WDR35: variants seen among roughly 807,000 people sequenced by gnomAD.
WDR35 encodes WD repeat domain 35.
A neutral mutation model predicts 158.3 loss-of-function variants in WDR35; 118 were observed. That is an observed-to-expected ratio of 0.75 (90% CI 0.64 to 0.87). The LOEUF is 0.87. Among genes scored for constraint, WDR35 ranks in the 40% least tolerant of loss-of-function variants. The pLI is 0.00. For synonymous variants in WDR35, 448 were observed against 476.1 expected, an observed-to-expected ratio of 0.94 and a Z score of 0.77; for missense variants, 1,263 against 1,405.8, an observed-to-expected ratio of 0.90 and a Z score of 1.62.
chr2:19,971,225 T>C (rs576823925), intron 8 of WDR35, among the ~76,000 whole-genome samples: 13 of 152,352 alleles, frequency 8.5e-5, no homozygotes, highest in South Asian at 4.1e-4. Context: ...TCTAAGCAGA[T>C]ACCCTCTAGG....
At chr2:19,955,662 A>T (rs1384311127) in intron 11 of WDR35, among the ~76,000 whole-genome samples, 2 of 152,226 alleles carry the variant, frequency 1.3e-5, no homozygotes, top group Non-Finnish European at 2.9e-5. Context: ...TAATTTCTCT[A>T]TTATAAATAC....
At chr2:19,945,088 G>T (rs1671004952) in intron 16 of WDR35, among the ~76,000 whole-genome samples, 4 of 152,018 alleles carry the variant, frequency 2.6e-5, no homozygotes, top group Admixed American at 2.6e-4. Context: ...TTACCACTCG[G>T]ATTATTTTGT....
At position 19,974,462 on chromosome 2, in the gene WDR35, C is replaced by T; in HGVS notation, c.736+6G>A. 2.5e-6 allele frequency: 4 copies of T among 1,588,576 alleles called. No individual in the cohort carries two copies. The highest frequency in any genetic ancestry group is 3.4e-6 in the Non-Finnish European group (4 of 1,170,504). On this transcript the variant is annotated splice_donor_region_variant and intron_variant, in intron 7 of 26. Coordinates refer to ENST00000281405, the MANE Select transcript of WDR35 (RefSeq NM_020779.4). Reference sequence around the variant, plus strand: ...AAAAAATTTTTTAAACAGAAAAATTCCTTACTTTGGTCATTCTCATGTCTC... The same window carrying T: ...AAAAAATTTTTTAAACAGAAAAATTTCTTACTTTGGTCATTCTCATGTCTC...
At position 19,910,751 on chromosome 2, in the gene WDR35, T is replaced by C. The variant is rs1669806500; in HGVS notation, c.*2807A>G. ...TTGTTAGTGTTGTTATCTGGAAATTTCCTTCATGTCGAATAAAACCAACTA... is the reference window on the plus strand; with the variant it reads ...TTGTTAGTGTTGTTATCTGGAAATTCCCTTCATGTCGAATAAAACCAACTA... On this transcript the variant is annotated 3_prime_UTR_variant, in exon 27 of 27. Coordinates refer to ENST00000281405, the MANE Select transcript of WDR35 (RefSeq NM_020779.4). 1 of 152,194 alleles carries C rather than the reference T, an allele frequency of 6.6e-6. No homozygotes were observed. The highest frequency in any genetic ancestry group is 1.5e-5 in the Non-Finnish European group (1 of 68,042). 9.4% of individuals were successfully genotyped at this position (152,194 alleles called of 1,614,324 possible).
chr2:19,965,387 A>G (rs749693041), intron 10 of WDR35, among the ~76,000 whole-genome samples: 11 of 152,342 alleles, frequency 7.2e-5, no homozygotes, highest in East Asian at 1.9e-4. Flanking sequence ...AGAGTTGTCT[A>G]TAAGTGAGCC....
At chr2:19,933,600 G>C in intron 21 of WDR35, 89 bp from the exon 22 acceptor site, 2 of 1,147,204 alleles carry the variant, frequency 1.7e-6, no homozygotes, top group Non-Finnish European at 2.6e-6. Context: ...GGACGTATGA[G>C]TATTAAATTT....
At chr2:19,979,531 T>A (rs1042943784) in intron 4 of WDR35, among the ~76,000 whole-genome samples, 1 of 152,248 alleles carries the variant, frequency 6.6e-6, no homozygotes, top group African/African-American at 2.4e-5. Flanking sequence ...AACTTGTCTT[T>A]TAGCATAACC....
intron 2 of WDR35, among the ~76,000 whole-genome samples, chr2:19,983,116 G>A (rs1439139130): frequency 6.6e-6 from 1 of 152,194 alleles, no homozygotes; most frequent in Non-Finnish European, 1.5e-5. Context: ...GAATGTGAAA[G>A]CATAATAAGA....
At position 19,989,309 on chromosome 2, in the gene WDR35, G is replaced by A. The variant is rs140638337; in HGVS notation, c.25-27C>T. The A allele has an allele frequency of 4.0e-4, 630 of 1,594,566 alleles. 3 individuals carry two copies. In the African/African-American group the frequency reaches 7.2e-3, roughly 18 times the overall value. Reference sequence around the variant, plus strand: ...TGAAAAAGCAACCACAGCCGCACTAGCAACTTTTCACGAAGGAGCTGGGAA... The same window carrying A: ...TGAAAAAGCAACCACAGCCGCACTAACAACTTTTCACGAAGGAGCTGGGAA... On this transcript the variant is annotated intron_variant, in intron 1 of 26. Transcript: ENST00000281405.
chr2:19,947,570 TTCAGCTGAAATTTGCCATAGGCTTCTC>T (rs1220420334), intron 14 of WDR35, among the ~76,000 whole-genome samples: 1 of 152,136 alleles, frequency 6.6e-6, no homozygotes, highest in Non-Finnish European at 1.5e-5. Context: ...ATTTGAAAAA[TTCAGCTGAAATTTGCCATAGGCTTCTC>T]TATTTTACTG....
intron 25 of WDR35, among the ~76,000 whole-genome samples, chr2:19,919,391 AAAAAAAAG>A (rs1189313934): frequency 3.2e-4 from 47 of 148,666 alleles, no homozygotes; most frequent in Non-Finnish European, 4.3e-4. Context: ...AAAAAAAAAA[AAAAAAAAG>A]AAAAGAAAAA....
chr2:19,958,478 A>G (rs904168115), intron 11 of WDR35, among the ~76,000 whole-genome samples: 3 of 152,234 alleles, frequency 2.0e-5, no homozygotes, highest in Non-Finnish European at 4.4e-5. Flanking sequence ...TTATTTGTTC[A>G]GAAATCCCAC....
chr2:19,960,447 C>A (rs549676443), intron 11 of WDR35, 107 bp downstream of exon 11: 4 of 893,176 alleles, frequency 4.5e-6, no homozygotes, highest in Middle Eastern at 2.6e-4. Context: ...TGGTCATCCT[C>A]GTTTTAGAAA....
At position 19,978,921 on chromosome 2, in the gene WDR35, C is replaced by T. The variant is rs369525406; in HGVS notation, c.308-42G>A. 6.8e-6 allele frequency: 11 copies of T among 1,610,248 alleles called. No homozygotes were observed. The African/African-American group carries it at 8.0e-5, about 12-fold the overall frequency. On this transcript the variant is annotated intron_variant, in intron 4 of 26. Coordinates refer to ENST00000281405, the MANE Select transcript of WDR35 (RefSeq NM_020779.4). ...AAAAAATTACAAGTCAAAACTTTCA[C>T]ATCTATTAAATAGTAGTTAAGAATT...
At chr2:19,930,332 G>A (rs533458936) in intron 25 of WDR35, 64 bp downstream of exon 25, 88 of 1,608,842 alleles carry the variant, frequency 5.5e-5, no homozygotes, top group Non-Finnish European at 7.5e-5. Context: ...AATTGAAGAA[G>A]CTAGCCCTTC....
Position 19,972,479 on chromosome 2 carries a change from A to G in WDR35, c.882+1084T>C, listed in dbSNP as rs184655885. ...CCAACAAAAATAACCAATAAAGAAC[A>G]AGAATTAAGAAGGAGGCTATAAATA... On this transcript the variant is annotated intron_variant, in intron 8 of 26. Coordinates refer to ENST00000281405, the MANE Select transcript of WDR35 (RefSeq NM_020779.4). 2.7e-3 allele frequency among the ~76,000 whole-genome samples: 409 copies of G among 152,312 alleles called. 1 individual carries two copies. Among genetic ancestry groups the G allele is most frequent in the African/African-American group, 9.3e-3 (388 of 41,584 alleles).
At chr2:19,983,332 A>G (rs1260653259) in intron 2 of WDR35, among the ~76,000 whole-genome samples, 25 of 152,206 alleles carry the variant, frequency 1.6e-4, no homozygotes, top group Admixed American at 1.6e-3. Context: ...AAGAAGGCCT[A>G]TGTGGATGAA....
chr2:19,967,008 A>C (rs1267635050), intron 9 of WDR35, 99 bp from the exon 10 acceptor site: 2 of 1,187,908 alleles, frequency 1.7e-6, no homozygotes, highest in Admixed American at 3.8e-5. Context: ...TTACTCTCAA[A>C]ATATTGCAGA....
intron 12 of WDR35, among the ~76,000 whole-genome samples, chr2:19,952,426 C>A (rs897398970): frequency 6.6e-6 from 1 of 152,134 alleles, no homozygotes; most frequent in Non-Finnish European, 1.5e-5. Context: ...CTAAGGGGAA[C>A]CTACTCAAAG....
Sources: allele counts gnomAD v4.1 joint callset (sites outside exome capture counted in the v4.1 genomes callset), GRCh38; gene constraint gnomAD v4.1.1; transcripts MANE v1.5; gene names NCBI Gene and HGNC (gene_info 2026-07-23, HGNC 2026-07-21).